Variants in TENM1 observed in about 807,000 individuals in gnomAD.
The protein encoded by TENM1 is teneurin-1.
Under a neutral mutation model 174.8 loss-of-function variants are expected in TENM1, and 35 were observed. The observed-to-expected ratio is 0.20, with a 90% CI of 0.15 to 0.27. TENM1 has a LOEUF of 0.27. Among genes scored for constraint, TENM1 ranks in the 10% least tolerant of loss-of-function variants. The probability of loss-of-function intolerance (pLI) is 1.00; values close to 1 mark genes in which losing one functional copy is unlikely to be tolerated. For synonymous variants in TENM1, 781 were observed against 798.7 expected (o/e 0.98, Z 0.37); for missense variants, 1,633 against 2,130.1 (o/e 0.77, Z 4.59).
the TENM1 span, among the ~76,000 whole-genome samples, chrX:124,977,648 C>T: frequency 0.01 from 1,107 of 109,547 alleles, 20 homozygotes; most frequent in African/African-American, 0.033. Flanking sequence ...CAACCCCTGG[C>T]GACCACTAAT....
At chrX:125,082,204 T>C in the TENM1 span, among the ~76,000 whole-genome samples, 1 of 110,919 alleles carries the variant, frequency 9.0e-6, no homozygotes, top group African/African-American at 3.3e-5. Flanking sequence ...AAACTCATTC[T>C]TTACCACCTA....
intron 6 of TENM1, among the ~76,000 whole-genome samples, chrX:124,662,418 C>T (rs1473558520): frequency 1.0e-5 from 1 of 99,235 alleles, no homozygotes; most frequent in Non-Finnish European, 2.0e-5. Context: ...CGCGCCATTG[C>T]ACTGCAGCCT....
At chrX:124,665,565 A>T (rs2051737822) in intron 6 of TENM1, among the ~76,000 whole-genome samples, 1 of 112,474 alleles carries the variant, frequency 8.9e-6, no homozygotes, top group Non-Finnish European at 1.9e-5. Flanking sequence ...AACTTTATAG[A>T]TATACATTTC....
At chrX:124,714,174 G>A (rs190778843) in intron 4 of TENM1, among the ~76,000 whole-genome samples, 1 of 111,442 alleles carries the variant, frequency 9.0e-6, no homozygotes, top group East Asian at 2.8e-4. Flanking sequence ...AGGTGAGGAG[G>A]CTGTGGGTCA....
In TENM1 at chrX:124,955,826, C is replaced by G. The variant is rs1024232041; in HGVS notation, c.217+7711G>C. On this transcript the variant is annotated intron_variant, in intron 1 of 31. Transcript: ENST00000422452. ...ACACACACACACACACACACACACA[C>G]AGACACCATTTCTTTAAAATTGATC... 1.4e-4 allele frequency among the ~76,000 whole-genome samples: 15 copies of G among 109,817 alleles called. No homozygotes were observed. The Admixed American group carries it at 1.4e-3, about 10-fold the overall frequency.
chrX:124,644,074 T>C (rs2051087580), intron 10 of TENM1, among the ~76,000 whole-genome samples: 1 of 100,601 alleles, frequency 9.9e-6, no homozygotes, highest in Non-Finnish European at 2.0e-5. Flanking sequence ...TATATGTGTA[T>C]ATATAATATA....
chrX:124,920,469 C>A (rs916825495), intron 1 of TENM1, among the ~76,000 whole-genome samples: 1 of 111,451 alleles, frequency 9.0e-6, no homozygotes, highest in African/African-American at 3.3e-5. Flanking sequence ...AAGCAATGTT[C>A]AATGGCCATC....
the TENM1 span, among the ~76,000 whole-genome samples, chrX:125,159,185 A>G: frequency 8.9e-6 from 1 of 112,065 alleles, no homozygotes; most frequent in Non-Finnish European, 1.9e-5. Flanking sequence ...TAATCACAAG[A>G]AAAAAGCTGT....
At chrX:124,927,827 A>G (rs1489877130) in intron 1 of TENM1, among the ~76,000 whole-genome samples, 1 of 111,797 alleles carries the variant, frequency 8.9e-6, no homozygotes, top group African/African-American at 3.3e-5. Context: ...GCAAAAGACA[A>G]ATACCTAAAG....
At chrX:125,115,932 G>C in the TENM1 span, among the ~76,000 whole-genome samples, 3 of 109,520 alleles carry the variant, frequency 2.7e-5, no homozygotes, top group African/African-American at 6.6e-5. Flanking sequence ...AGCCCATATA[G>C]CCAAGACAAT....
At chrX:124,757,553 G>A (rs1299953954) in intron 3 of TENM1, among the ~76,000 whole-genome samples, 4 of 112,543 alleles carry the variant, frequency 3.6e-5, no homozygotes, top group African/African-American at 1.3e-4. Context: ...CGGTACCTCT[G>A]ATGGAAATGC....
At chrX:125,023,289 C>T in the TENM1 span, among the ~76,000 whole-genome samples, 2 of 111,390 alleles carry the variant, frequency 1.8e-5, no homozygotes, top group African/African-American at 6.5e-5. Context: ...CACTCACTCT[C>T]GCCTGCTGCC....
At chrX:124,782,337 T>C (rs961405822) in intron 3 of TENM1, among the ~76,000 whole-genome samples, 7 of 111,402 alleles carry the variant, frequency 6.3e-5, no homozygotes, top group African/African-American at 2.3e-4. Context: ...TCACTGGCTA[T>C]CATATTGTAG....
chrX:124,411,933 T>C (rs1454883392), intron 25 of TENM1: 1 of 112,127 alleles, frequency 8.9e-6, no homozygotes, highest in East Asian at 2.8e-4. Flanking sequence ...TACAAGCCGA[T>C]ATGCTCCAAC....
chrX:124,530,311 C>T (rs933922090), intron 15 of TENM1, among the ~76,000 whole-genome samples: 1 of 110,438 alleles, frequency 9.1e-6, no homozygotes, highest in Non-Finnish European at 1.9e-5. Flanking sequence ...CTTGCTTAAC[C>T]TACCCCTGAT....
chrX:124,750,466 G>A (rs1449968148), intron 3 of TENM1, among the ~76,000 whole-genome samples: 1 of 111,756 alleles, frequency 8.9e-6, no homozygotes, highest in Non-Finnish European at 1.9e-5. Flanking sequence ...GATATCACAA[G>A]TTTCATTTAC....
chrX:124,809,582 A>G (rs1326242570), intron 3 of TENM1, among the ~76,000 whole-genome samples: 1 of 111,669 alleles, frequency 9.0e-6, no homozygotes, highest in Non-Finnish European at 1.9e-5. Context: ...ACAAAAACAT[A>G]TGATAATTTC....
chrX:124,453,346 G>A, exon 23 of TENM1: 1 of 1,207,651 alleles, frequency 8.3e-7, no homozygotes. Flanking sequence ...CCTGAGTGAT[G>A]TCCATTCCTG....
At chrX:124,837,395 T>TC (rs2056074552) in intron 3 of TENM1, among the ~76,000 whole-genome samples, 1 of 112,239 alleles carries the variant, frequency 8.9e-6, no homozygotes, top group African/African-American at 3.2e-5. Flanking sequence ...AGCCTTTTTT[T>TC]CTCTATCATT....
Sources: gnomAD v4.1 joint callset for allele counts (sites outside exome capture counted in the v4.1 genomes callset) on GRCh38, gnomAD v4.1.1 for gene constraint, MANE v1.5 for transcripts, NCBI Gene and HGNC (gene_info 2026-07-23, HGNC 2026-07-21) for gene names.